TMIE: variants seen among roughly 807,000 people sequenced by gnomAD.
TMIE encodes the protein transmembrane inner ear expressed protein.
A neutral mutation model predicts 16.8 loss-of-function variants in TMIE; 14 were observed. That is an observed-to-expected ratio of 0.83 (90% CI 0.55 to 1.30). The LOEUF (loss-of-function observed/expected upper bound fraction) is 1.30, where lower values mean the gene tolerates loss of function less well. Ranked by LOEUF, TMIE falls within the 50% of genes most tolerant of loss-of-function variation. The pLI, the probability that TMIE is intolerant of heterozygous loss-of-function variation, is 0.00. For synonymous variants in TMIE, 75 were observed against 87.2 expected, an observed-to-expected ratio of 0.86 and a Z score of 0.78; for missense variants, 204 against 205.9, an observed-to-expected ratio of 0.99 and a Z score of 0.06.
At chr3:46,707,552 A>G (rs1036257268) in intron 2 of TMIE, among the ~76,000 whole-genome samples, 4 of 152,184 alleles carry the variant, frequency 2.6e-5, no homozygotes, top group Non-Finnish European at 5.9e-5. Flanking sequence ...GCCCTGCAGG[A>G]AAAGGGGCTG....
At chr3:46,700,332 C>T (rs1398637826), upstream of TMIE, among the ~76,000 whole-genome samples, 2 of 152,222 alleles carry the variant, frequency 1.3e-5, no homozygotes, top group Non-Finnish European at 2.9e-5. Context: ...CTGCAGCCTG[C>T]TGTGGTCCTT....
chr3:46,697,021 G>A (rs1192889839), upstream of TMIE, among the ~76,000 whole-genome samples: 1 of 152,176 alleles, frequency 6.6e-6, no homozygotes, highest in Non-Finnish European at 1.5e-5. Flanking sequence ...CTGAGGTGGA[G>A]GCCATAGTTC....
intron 1 of TMIE, among the ~76,000 whole-genome samples, chr3:46,703,754 T>C (rs1434344970): frequency 6.6e-6 from 1 of 152,140 alleles, no homozygotes; most frequent in East Asian, 1.9e-4. Context: ...CAACCCACGC[T>C]GAAGGGTGGC....
intron 1 of TMIE, among the ~76,000 whole-genome samples, chr3:46,704,874 CCCAGGG>C (rs1559496168): frequency 6.6e-6 from 1 of 151,818 alleles, no homozygotes; most frequent in Non-Finnish European, 1.5e-5. Flanking sequence ...CCCCTAGACA[CCCAGGG>C]CCAGGGTCAT....
At chr3:46,707,587 G>C (rs549633480) in intron 2 of TMIE, among the ~76,000 whole-genome samples, 1 of 152,286 alleles carries the variant, frequency 6.6e-6, no homozygotes, top group South Asian at 2.1e-4. Context: ...GCCCCTGGAG[G>C]TCTCCTCCAG....
At chr3:46,701,178 T>A (rs1396209586), upstream of TMIE, 1 of 319,452 alleles carries the variant, frequency 3.1e-6, no homozygotes, top group African/African-American at 2.2e-5. This position sits in a 1 kb window ranked among gnomAD's most constrained non-coding sequence, Gnocchi z 4.3. Flanking sequence ...GGGGACCTGT[T>A]GATTAGGGAC....
chr3:46,694,418 G>A, upstream of TMIE: 1 of 152,536 alleles, frequency 6.6e-6, no homozygotes, highest in Non-Finnish European at 1.5e-5. Context: ...CCCCCCGTCA[G>A]CAGCCTGATT....
Position 46,709,249 on chromosome 3 carries a change from T to G in TMIE, c.335T>G (p.Leu112Arg). The change falls in exon 3 of 4, where the codon CTC becomes CGC. Residue 112 changes from leucine to arginine, a missense_variant. Coordinates refer to ENST00000643606, the MANE Select transcript of TMIE (RefSeq NM_147196.3). ...YTDKLETVPP[L>R]NELTEVPGED... ...GACAAGCTGGAGACTGTGCCACCCC[T>G]CAATGAGCTCACAGAAGTCCCAGGA... 1 of 1,614,080 alleles carries G rather than the reference T, an allele frequency of 6.2e-7. No homozygotes were observed. Among genetic ancestry groups the G allele is most frequent in the South Asian group, 1.1e-5 (1 of 91,082 alleles).
At chr3:46,702,719 C>A (rs1700491959) in intron 1 of TMIE, among the ~76,000 whole-genome samples, 1 of 152,042 alleles carries the variant, frequency 6.6e-6, no homozygotes, top group African/African-American at 2.4e-5. Context: ...CAGCCCTGAA[C>A]TGGAGGGTTT....
chr3:46,706,332 A>G (rs1218006340), intron 2 of TMIE, among the ~76,000 whole-genome samples: 1 of 152,172 alleles, frequency 6.6e-6, no homozygotes, highest in African/African-American at 2.4e-5. Flanking sequence ...CCAGGCTTCA[A>G]TCCCTGCCTT....
At chr3:46,705,665 A>T in intron 1 of TMIE, 125 bp from the exon 2 acceptor site, 1 of 822,494 alleles carries the variant, frequency 1.2e-6, no homozygotes, top group South Asian at 1.4e-5. Context: ...TGCATGCTTA[A>T]GAGAGTTGAT....
intron 2 of TMIE, among the ~76,000 whole-genome samples, chr3:46,708,421 G>T (rs1218645358): frequency 6.6e-6 from 1 of 152,220 alleles, no homozygotes; most frequent in African/African-American, 2.4e-5. Context: ...GGCTGTGGGG[G>T]CCTTAGGAAA....
Position 46,701,500 on chromosome 3 carries a change from C to A in TMIE, c.13C>A (p.Pro5Thr). MAGW[P>T]GAGPLCVLGG... ...CGGTGGCACGAAGATGGCGGGGTGG[C>A]CGGGCGCGGGTCCCCTCTGCGTGCT... Residue 5 changes from proline to threonine, a missense_variant, in exon 1 of 4, where the codon CCG becomes ACG. Transcript: ENST00000643606. This position sits in a 1 kb window ranked among gnomAD's most constrained non-coding sequence, Gnocchi z 4.3. 7.4e-7 allele frequency: 1 copy of A among 1,344,214 alleles called. No homozygotes were observed. Among genetic ancestry groups the A allele is most frequent in the South Asian group, 1.9e-5 (1 of 53,526 alleles). 83.3% of individuals were successfully genotyped at this position (1,344,214 alleles called of 1,614,324 possible). A position where few individuals can be genotyped will look rare whatever the true frequency, so the allele number is the denominator to read the frequency against.
rs1700601832 is a variant in TMIE at position 46,710,026 on chromosome 3, G to C, written c.*338G>C. ...CTTTCTGCCAGGGATGGCAGTGGCTGTGAAGGAGTAATGGGATATGGGGTT... is the reference window on the plus strand; with the variant it reads ...CTTTCTGCCAGGGATGGCAGTGGCTCTGAAGGAGTAATGGGATATGGGGTT... On this transcript the variant is annotated 3_prime_UTR_variant, in exon 4 of 4. Transcript: ENST00000643606. 4.9e-6 allele frequency: 2 copies of C among 406,488 alleles called. No homozygotes were observed. Among genetic ancestry groups the C allele is most frequent in the Admixed American group, 7.2e-5 (2 of 27,802 alleles). 25.2% of individuals were successfully genotyped at this position (406,488 alleles called of 1,614,324 possible). A position where few individuals can be genotyped will look rare whatever the true frequency, so the allele number is the denominator to read the frequency against.
chr3:46,701,705 C>A lies in TMIE; in HGVS notation c.93+125C>A. 1 of 805,812 alleles carries A rather than the reference C, an allele frequency of 1.2e-6. No homozygotes were observed. Among genetic ancestry groups the A allele is most frequent in the Non-Finnish European group, 1.7e-6 (1 of 596,616 alleles). 49.9% of individuals were successfully genotyped at this position (805,812 alleles called of 1,614,324 possible). ...TTACTCTTGCCCTGAGAGATCCAGT[C>A]TCCCGGGCGATGCAGCCCTGCCCCA... On this transcript the variant is annotated intron_variant, in intron 1 of 3. Coordinates refer to ENST00000643606, the MANE Select transcript of TMIE (RefSeq NM_147196.3). The surrounding 1 kb of genome is among the most constrained non-coding windows in gnomAD (Gnocchi z 4.3).
chr3:46,702,140 T>C (rs577856066), intron 1 of TMIE, among the ~76,000 whole-genome samples: 3 of 152,178 alleles, frequency 2.0e-5, no homozygotes, highest in South Asian at 2.1e-4. Flanking sequence ...GGAGACCCTT[T>C]ACAGAGAAGC....
intron 1 of TMIE, among the ~76,000 whole-genome samples, chr3:46,704,631 AGGGTG>A (rs1371970211): frequency 5.4e-5 from 8 of 148,344 alleles, no homozygotes; most frequent in East Asian, 4.1e-4. Context: ...CTAGACACCC[AGGGTG>A]GACCATGTCC....
intron 2 of TMIE, 47 bp downstream of exon 2, chr3:46,705,954 C>G: frequency 6.4e-7 from 1 of 1,564,772 alleles, no homozygotes; most frequent in South Asian, 1.1e-5. Flanking sequence ...AGTGGGAACA[C>G]AGCACCCCCT....
intron 2 of TMIE, 75 bp downstream of exon 2, chr3:46,705,982 G>A: frequency 4.0e-6 from 6 of 1,490,812 alleles, no homozygotes; most frequent in South Asian, 2.3e-5. Context: ...AGAGGGCTCA[G>A]AGCAGCAATT....
Sources: allele counts gnomAD v4.1 joint callset (sites outside exome capture counted in the v4.1 genomes callset), GRCh38; gene constraint gnomAD v4.1.1; non-coding constraint Gnocchi (gnomAD v3.1); transcripts MANE v1.5; gene names NCBI Gene and HGNC (gene_info 2026-07-23, HGNC 2026-07-21).